The following PKNOX1 variants were observed in gnomAD, a reference collection of about 807,000 sequenced individuals.
PKNOX1 encodes the protein homeobox protein PKNOX1.
PKNOX1 carries 15 observed loss-of-function variants against 51.9 expected under a neutral mutation model. The observed-to-expected ratio is 0.29, with a 90% CI of 0.19 to 0.45. The LOEUF is 0.45. Ranked by LOEUF, PKNOX1 falls within the 20% of genes least tolerant of loss-of-function variation. PKNOX1 has a pLI of 1.00. For synonymous variants in PKNOX1, 219 were observed against 211.1 expected, an observed-to-expected ratio of 1.04 and a Z score of -0.32; for missense variants, 462 against 547.5, an observed-to-expected ratio of 0.84 and a Z score of 1.56.
rs1263501478 is a variant in PKNOX1, at chr21:43,010,121, G to A, written c.248G>A (p.Gly83Asp). ...GAACAATCTACACAGGGCTCTGAAG[G>A]CACAACTTCTGCCAGTTTTGATGTA... Reference protein sequence around the residue: ...KCEQSTQGSEGTTSASFDVDI... With the variant: ...KCEQSTQGSEDTTSASFDVDI... The change falls in exon 4 of 11, where the codon GGC (glycine) becomes GAC (aspartate). Residue 83 changes from glycine (G) to aspartate (D), a missense_variant. Physicochemically the swap from Gly to Asp is moderately conservative, Grantham distance 94. Coordinates refer to ENST00000291547, the MANE Select transcript of PKNOX1 (RefSeq NM_004571.5). The A allele has an allele frequency of 3.1e-6, 5 of 1,607,404 alleles. No individual in the cohort carries two copies. Among genetic ancestry groups the A allele is most frequent in the Non-Finnish European group, 3.4e-6 (4 of 1,176,292 alleles).
intron 5 of PKNOX1, among the ~76,000 whole-genome samples, chr21:43,015,884 A>C (rs983332511): frequency 6.6e-6 from 1 of 150,762 alleles, no homozygotes; most frequent in African/African-American, 2.4e-5. Flanking sequence ...TGTTTTATTG[A>C]TTTTTTTGGT....
At chr21:43,026,273 GTAA>G (rs1979979578) in intron 9 of PKNOX1, among the ~76,000 whole-genome samples, 1 of 152,132 alleles carries the variant, frequency 6.6e-6, no homozygotes, top group Non-Finnish European at 1.5e-5. Flanking sequence ...TTAATTTTTA[GTAA>G]TAATAACAGT....
At chr21:43,018,109 C>T in intron 6 of PKNOX1, 24 bp from the exon 7 acceptor site, 1 of 1,171,914 alleles carries the variant, frequency 8.5e-7, no homozygotes, top group Non-Finnish European at 1.3e-6. Context: ...AAAGCAGCCT[C>T]ATATTTTTAT....
intron 1 of PKNOX1, among the ~76,000 whole-genome samples, chr21:42,995,023 G>A (rs1373131216): frequency 1.3e-5 from 2 of 148,462 alleles, no homozygotes; most frequent in African/African-American, 5.0e-5. Flanking sequence ...CTGGGTTCAA[G>A]CGATTTTTCT....
chr21:43,029,401 AT>A (rs1170544228), intron 10 of PKNOX1, among the ~76,000 whole-genome samples: 9 of 82,280 alleles, frequency 1.1e-4, no homozygotes, highest in Middle Eastern at 6.8e-3. Flanking sequence ...ATGTGTTTTT[AT>A]TTTTTTTTAT....
chr21:42,995,904 A>G (rs1283909882), intron 1 of PKNOX1, among the ~76,000 whole-genome samples: 1 of 152,088 alleles, frequency 6.6e-6, no homozygotes, highest in Non-Finnish European at 1.5e-5. Flanking sequence ...CTATTCATTT[A>G]TGTATTTATA....
chr21:43,030,286 T>TGTGTGTGTGTGTGTGC lies in PKNOX1; in HGVS notation c.*192_*193insTGTGTGTGCGTGTGTG, dbSNP rs1980204055. ...GTGTGTGTGTGTGTGTGTGTGTGTGTGTGTGTGCGTGTGTGCGTGTGTGTG... is the reference window on the plus strand; with the variant it reads ...GTGTGTGTGTGTGTGTGTGTGTGTGTGTGTGTGTGTGTGTGCGTGTGTGCGTGTGTGCGTGTGTGTG... On this transcript the variant is annotated 3_prime_UTR_variant, in exon 11 of 11. Transcript: ENST00000291547. The TGTGTGTGTGTGTGTGC allele has an allele frequency of 3.0e-6, 1 of 329,118 alleles. No individual in the cohort carries two copies. The allele number at this position is 329,118 out of a possible 1,614,324, so 20.4% of individuals were successfully genotyped here.
At chr21:42,988,889 G>A (rs1178268307) in intron 1 of PKNOX1, among the ~76,000 whole-genome samples, 3 of 148,498 alleles carry the variant, frequency 2.0e-5, no homozygotes, top group Non-Finnish European at 4.5e-5. Flanking sequence ...CTCAGGCTGG[G>A]GACCCTGCGG....
chr21:42,992,640 G>A (rs1419103454), intron 1 of PKNOX1, among the ~76,000 whole-genome samples: 3 of 152,116 alleles, frequency 2.0e-5, no homozygotes, highest in Admixed American at 6.6e-5. Context: ...GCTGGAACAC[G>A]AGCTGGGGAT....
chr21:43,022,574 A>C (rs1164880062), intron 8 of PKNOX1, among the ~76,000 whole-genome samples: 1 of 152,118 alleles, frequency 6.6e-6, no homozygotes, highest in Non-Finnish European at 1.5e-5. Flanking sequence ...CTTGGTCTCC[A>C]CCGAGCCGCT....
At chr21:43,010,841 G>A (rs2146271308) in intron 4 of PKNOX1, among the ~76,000 whole-genome samples, 1 of 152,090 alleles carries the variant, frequency 6.6e-6, no homozygotes, top group South Asian at 2.1e-4. Flanking sequence ...TCCAGCCTGG[G>A]TGTCAGAGTG....
chr21:43,005,052 G>A (rs1978927682), intron 2 of PKNOX1, among the ~76,000 whole-genome samples: 1 of 152,118 alleles, frequency 6.6e-6, no homozygotes, highest in Non-Finnish European at 1.5e-5. Context: ...GGAGCAGGTG[G>A]ATCGAGACTT....
chr21:42,994,104 G>C lies in PKNOX1; in HGVS notation c.-56-10222G>C, dbSNP rs533505667. Among the ~76,000 whole-genome samples the C allele has an allele frequency of 4.7e-3, 644 of 137,004 alleles. 2 individuals are homozygous for C. The highest frequency in any genetic ancestry group is 7.1e-3 in the Non-Finnish European group (461 of 64,906). The allele number at this position is 137,004 out of a possible 152,430, so 89.9% of individuals were successfully genotyped here. On this transcript the variant is annotated intron_variant, in intron 1 of 10. Coordinates refer to ENST00000291547, the MANE Select transcript of PKNOX1 (RefSeq NM_004571.5). ...CGCCCAGGCTGGAGTACAGTGGTAT[G>C]ATCACGGCTCACTGCAGCCTCGACC...
chr21:42,974,698 C>CCGCCGCTCTCGCCGCCGCCGT (rs1568882974), intron 1 of PKNOX1, 34 bp downstream of exon 1: 1 of 167,528 alleles, frequency 6.0e-6, no homozygotes, highest in East Asian at 1.8e-4. Context: ...GCCGCCGCCG[C>CCGCCGCTCTCGCCGCCGCCGT]CGCCGCTCTC....
intron 1 of PKNOX1, among the ~76,000 whole-genome samples, chr21:42,984,664 A>G (rs2059042604): frequency 6.6e-6 from 1 of 152,206 alleles, no homozygotes; most frequent in Non-Finnish European, 1.5e-5. Flanking sequence ...CTGGGATTAT[A>G]GGCGTGAGCC....
intron 4 of PKNOX1, among the ~76,000 whole-genome samples, chr21:43,010,755 T>C (rs1374498727): frequency 6.6e-6 from 1 of 151,912 alleles, no homozygotes; most frequent in African/African-American, 2.4e-5. Flanking sequence ...TCCCAGCTAC[T>C]CAGGAGGCTG....
chr21:43,029,390 C>T (rs760068219), intron 10 of PKNOX1, among the ~76,000 whole-genome samples: 20 of 144,346 alleles, frequency 1.4e-4, no homozygotes, highest in South Asian at 4.4e-4. Flanking sequence ...GTTTTGTGTG[C>T]ATGTGTTTTT....
chr21:42,987,082 T>C (rs769360665), intron 1 of PKNOX1, among the ~76,000 whole-genome samples: 41 of 151,794 alleles, frequency 2.7e-4, no homozygotes, highest in Non-Finnish European at 5.7e-4. Flanking sequence ...TTTAGGTGGA[T>C]TTAAAGAAGT....
chr21:42,992,297 G>A (rs188676228), intron 1 of PKNOX1, among the ~76,000 whole-genome samples: 26 of 152,336 alleles, frequency 1.7e-4, no homozygotes, highest in African/African-American at 6.0e-4. Flanking sequence ...AGGTCAGGCT[G>A]TGTAGAAGAA....
Sources: gnomAD v4.1 joint callset for allele counts (sites outside exome capture counted in the v4.1 genomes callset) on GRCh38, gnomAD v4.1.1 for gene constraint, MANE v1.5 for transcripts, NCBI Gene and HGNC (gene_info 2026-07-23, HGNC 2026-07-21) for gene names.